ZNF727: variants seen among roughly 807,000 people sequenced by gnomAD.
ZNF727 encodes the protein zinc finger protein 727.
A neutral mutation model predicts 11.5 loss-of-function variants in ZNF727; 11 were observed. The ratio of observed to expected loss-of-function variants is 0.95; its 90% CI spans 0.60 to 1.58. The LOEUF is 1.58. ZNF727 is among the 40% of genes most tolerant of loss of function. The pLI is 0.00. For missense variants in ZNF727, 533 were observed against 581.7 expected (o/e 0.92, Z 0.86); for synonymous variants, 171 against 196.1 (o/e 0.87, Z 1.07).
intron 3 of ZNF727, among the ~76,000 whole-genome samples, chr7:64,076,601 A>C (rs1451833855): frequency 6.6e-6 from 1 of 152,182 alleles, no homozygotes. Flanking sequence ...CTCAAAAAAA[A>C]AATTATGGAG....
rs1785797805 is a variant in ZNF727 at position 64,081,833 on chromosome 7, T to C, written c.*3284T>C. The stretch of plus-strand genomic sequence containing the variant: ...GAAATGGCCGTCAATGGCCACACTC[T>C]ACTACAGGTGCTCTTGCACTAAACC... On this transcript the variant is annotated 3_prime_UTR_variant, in exon 4 of 4. Transcript: ENST00000456806. Among the ~76,000 whole-genome samples the C allele has an allele frequency of 6.6e-6, 1 of 152,178 alleles. No individual in the cohort carries two copies. Among genetic ancestry groups the C allele is most frequent in the Non-Finnish European group, 1.5e-5 (1 of 68,040 alleles).
chr7:64,076,428 C>G (rs557232481), intron 3 of ZNF727, among the ~76,000 whole-genome samples: 1 of 152,046 alleles, frequency 6.6e-6, no homozygotes, highest in Non-Finnish European at 1.5e-5. Context: ...CTGGCCAACA[C>G]GGTGAAACCC....
rs2116343892 is a variant in ZNF727 at position 64,083,719 on chromosome 7, C to T, written c.*5170C>T. ...GGTCACACATGCACTCACTGCTTTA[C>T]TGGGTGGGGAGGTTCCTTTGGCTCC... On this transcript the variant is annotated 3_prime_UTR_variant, in exon 4 of 4. Transcript: ENST00000456806. Among the ~76,000 whole-genome samples the T allele has an allele frequency of 6.6e-6, 1 of 152,300 alleles. No homozygotes were observed. The highest frequency in any genetic ancestry group is 2.1e-4 in the South Asian group (1 of 4,820).
At chr7:64,059,378 T>C (rs1246000707) in intron 1 of ZNF727, among the ~76,000 whole-genome samples, 2 of 152,248 alleles carry the variant, frequency 1.3e-5, no homozygotes, top group East Asian at 3.8e-4. Flanking sequence ...TAACCAGCCT[T>C]GTATAGAAAC....
At chr7:64,068,709 T>G (rs1789909521) in intron 1 of ZNF727, among the ~76,000 whole-genome samples, 182 bp from the exon 2 acceptor site, 1 of 152,168 alleles carries the variant, frequency 6.6e-6, no homozygotes, top group Admixed American at 6.6e-5. Flanking sequence ...TTTCGTGATC[T>G]TATGCCATTT....
At chr7:64,075,549 A>G (rs186234988) in intron 3 of ZNF727, among the ~76,000 whole-genome samples, 2 of 152,264 alleles carry the variant, frequency 1.3e-5, no homozygotes, top group Non-Finnish European at 1.5e-5. Flanking sequence ...ATGAAATAGT[A>G]CACAGCCAAA....
intron 1 of ZNF727, among the ~76,000 whole-genome samples, chr7:64,067,961 C>G (rs187122141): frequency 2.6e-4 from 40 of 152,140 alleles, no homozygotes; most frequent in Middle Eastern, 6.8e-3. Context: ...TTAGAGATTA[C>G]AGAACATGAG....
chr7:64,065,244 A>T (rs1476822714), intron 1 of ZNF727, among the ~76,000 whole-genome samples: 2 of 152,152 alleles, frequency 1.3e-5, no homozygotes, highest in Non-Finnish European at 2.9e-5. Context: ...TTTTAGTCCC[A>T]GATAAAGATC....
rs1324542782 is a variant in ZNF727, at chr7:64,061,215, A to G, written c.4-7676A>G. ...TGGTCCATAGTGCAGATTAAGTCCA[A>G]TGTTTATTTGTTGATTTTACTATCT... On this transcript the variant is annotated intron_variant, in intron 1 of 3. Transcript: ENST00000456806. 2.6e-5 allele frequency among the ~76,000 whole-genome samples: 4 copies of G among 152,208 alleles called. 1 individual carries two copies. Among genetic ancestry groups the G allele is most frequent in the Admixed American group, 2.0e-4 (3 of 15,278 alleles).
rs28360698 is a variant in ZNF727, at chr7:64,078,546, G to A, written c.1497G>A (p.Arg499=). Residue 499 remains arginine, a synonymous_variant, in exon 4 of 4, where the codon AGG becomes AGA. Transcript: ENST00000456806. ...LGGSQTLLNI[R] ...GTTCTCAGACCTTACTAAACATAAG[G>A]TAATTCATACTGGAGATAAACCTTA... 0.079 allele frequency: 122,710 copies of A among 1,556,562 alleles called. 5,699 individuals carry two copies. Among genetic ancestry groups the A allele is most frequent in the African/African-American group, 0.17 (12,591 of 72,896 alleles).
chr7:64,052,378 C>CTTTTTT (rs56215284), intron 1 of ZNF727, among the ~76,000 whole-genome samples: 2 of 130,404 alleles, frequency 1.5e-5, no homozygotes, highest in Non-Finnish European at 3.3e-5. Context: ...ATTTCTCTCT[C>CTTTTTT]TTTTTTTTTT....
intron 1 of ZNF727, among the ~76,000 whole-genome samples, chr7:64,057,405 A>G (rs142585585): frequency 4.5e-4 from 68 of 152,316 alleles, no homozygotes; most frequent in African/African-American, 1.5e-3. Flanking sequence ...TGTTCTTGAC[A>G]AGGACATGGA....
rs1235527787 is a variant in ZNF727 at position 64,085,277 on chromosome 7, A to G, written c.*6728A>G. On this transcript the variant is annotated 3_prime_UTR_variant, in exon 4 of 4. Coordinates refer to ENST00000456806, the MANE Select transcript of ZNF727 (RefSeq NM_001159522.3). ...TATTTAATCCAATTTTCATTTAGTT[A>G]TTGATCATTTTACTTTGTAAAATTG... 6.6e-6 allele frequency among the ~76,000 whole-genome samples: 1 copy of G among 152,060 alleles called. No homozygotes were observed. The highest frequency in any genetic ancestry group is 1.9e-4 in the East Asian group (1 of 5,202).
chr7:64,073,753 G>A (rs986788236), intron 3 of ZNF727, among the ~76,000 whole-genome samples: 4 of 152,040 alleles, frequency 2.6e-5, no homozygotes, highest in African/African-American at 7.2e-5. Flanking sequence ...GGATTTTTGT[G>A]TGTAATTTCT....
intron 1 of ZNF727, among the ~76,000 whole-genome samples, chr7:64,051,263 T>A (rs1789593912): frequency 6.6e-6 from 1 of 152,168 alleles, no homozygotes; most frequent in Non-Finnish European, 1.5e-5. Flanking sequence ...AGAAATCCTG[T>A]ATGACTTTAA....
At chr7:64,048,105 T>C (rs1422046064) in intron 1 of ZNF727, among the ~76,000 whole-genome samples, 33 of 152,222 alleles carry the variant, frequency 2.2e-4, no homozygotes, top group African/African-American at 7.2e-4. Flanking sequence ...CCGTGTTTGT[T>C]GCCTTGAATA....
intron 1 of ZNF727, among the ~76,000 whole-genome samples, chr7:64,050,626 G>C (rs565068603): frequency 1.3e-5 from 2 of 152,172 alleles, no homozygotes; most frequent in African/African-American, 4.8e-5. Context: ...CATTATCCTT[G>C]GCAAAAATCA....
intron 3 of ZNF727, among the ~76,000 whole-genome samples, chr7:64,076,112 T>C (rs1785652604): frequency 6.6e-6 from 1 of 152,196 alleles, no homozygotes; most frequent in South Asian, 2.1e-4. Context: ...TATTTGTGTA[T>C]AATTTTTTAT....
At chr7:64,066,053 G>C (rs1354782265) in intron 1 of ZNF727, among the ~76,000 whole-genome samples, 1 of 152,154 alleles carries the variant, frequency 6.6e-6, no homozygotes, top group African/African-American at 2.4e-5. Flanking sequence ...CACATTTAAT[G>C]AGAATGGTCT....
Sources: gnomAD v4.1 joint callset for allele counts (sites outside exome capture counted in the v4.1 genomes callset) on GRCh38, gnomAD v4.1.1 for gene constraint, MANE v1.5 for transcripts, NCBI Gene and HGNC (gene_info 2026-07-23, HGNC 2026-07-21) for gene names.